LCOR: variants seen among roughly 807,000 people sequenced by gnomAD.
The protein encoded by LCOR is ligand-dependent corepressor.
Under a neutral mutation model 64.4 loss-of-function variants are expected in LCOR, and 14 were observed. That is an observed-to-expected ratio of 0.22 (90% CI 0.14 to 0.34). LCOR has a LOEUF of 0.34. LCOR is among the 10% of genes least tolerant of loss of function. The probability of loss-of-function intolerance (pLI) is 1.00; values close to 1 mark genes in which losing one functional copy is unlikely to be tolerated. For missense variants in LCOR, 1,686 were observed against 1,765.3 expected, an observed-to-expected ratio of 0.96 and a Z score of 0.80; for synonymous variants, 643 against 642.5, an observed-to-expected ratio of 1.00 and a Z score of -0.01.
At chr10:96,935,003 G>T (rs1462119640) in intron 4 of LCOR, among the ~76,000 whole-genome samples, 1 of 152,026 alleles carries the variant, frequency 6.6e-6, no homozygotes, top group Non-Finnish European at 1.5e-5. Context: ...AAAGAAAATG[G>T]TTTTTGAGTT....
chr10:96,896,365 T>G (rs1474781448), intron 2 of LCOR, among the ~76,000 whole-genome samples: 1 of 152,188 alleles, frequency 6.6e-6, no homozygotes, highest in African/African-American at 2.4e-5. Flanking sequence ...TTTAATTTAT[T>G]TTCTTTTCAG....
intron 4 of LCOR, among the ~76,000 whole-genome samples, chr10:96,941,645 CG>C (rs1564632913): frequency 6.7e-6 from 1 of 148,526 alleles, no homozygotes; most frequent in East Asian, 2.1e-4. Context: ...ACTTCCCAGA[CG>C]GGGTGGCTGC....
intron 4 of LCOR, among the ~76,000 whole-genome samples, chr10:96,941,215 G>T (rs1207461296): frequency 3.1e-5 from 4 of 127,028 alleles, no homozygotes; most frequent in South Asian, 2.5e-4. Flanking sequence ...CCTCCCGGAC[G>T]GGGCGGCTGG....
chr10:96,898,046 TA>T (rs1390552025), intron 2 of LCOR, among the ~76,000 whole-genome samples: 1 of 152,070 alleles, frequency 6.6e-6, no homozygotes. Flanking sequence ...ATCCAACAAA[TA>T]TTTATTGAGC....
Position 96,993,369 on chromosome 10 carries a change from G to T in LCOR, c.*8235G>T, listed in dbSNP as rs994992310. 1 of 152,198 alleles carries T rather than the reference G, an allele frequency of 6.6e-6. No homozygotes were observed. Among genetic ancestry groups the T allele is most frequent in the African/African-American group, 2.4e-5 (1 of 41,450 alleles). The allele number at this position is 152,198 out of a possible 1,614,324, so 9.4% of individuals were successfully genotyped here. ...TCTAGGAGACTTTGTAAGCAAATCT[G>T]ATTTTAAGATGAAATGTGAATGAGA... is the stretch of plus-strand genomic sequence containing the variant. On this transcript the variant is annotated 3_prime_UTR_variant, in exon 8 of 8. Coordinates refer to ENST00000421806, the MANE Select transcript of LCOR (RefSeq NM_001346516.2).
rs1564646806 is a variant in LCOR, at chr10:96,984,813, T to G, written c.4353T>G (p.Ser1451=). The change falls in exon 8 of 8, where the codon TCT becomes TCG. Residue 1451 remains serine (S), a synonymous_variant. Transcript: ENST00000421806. ...GCAGCCAACCCCCCAAAAAGACGTC[T>G]TTGAAAGAGAATAAAGTGAAGATCC... ...DRSSQPPKKT[S]LKENKVKIPK... is the part of the protein sequence containing the mutation. The G allele has an allele frequency of 6.2e-7, 1 of 1,613,878 alleles. No homozygotes were observed. Among genetic ancestry groups the G allele is most frequent in the Non-Finnish European group, 8.5e-7 (1 of 1,180,012 alleles).
intron 7 of LCOR, among the ~76,000 whole-genome samples, chr10:96,973,905 A>C (rs1848017700): frequency 6.6e-6 from 1 of 152,210 alleles, no homozygotes; most frequent in Non-Finnish European, 1.5e-5. Flanking sequence ...CAGACTTGTC[A>C]CTTCACCTCC....
chr10:96,976,359 C>T (rs1332464529), intron 7 of LCOR, among the ~76,000 whole-genome samples: 1 of 152,184 alleles, frequency 6.6e-6, no homozygotes, highest in Non-Finnish European at 1.5e-5. Context: ...TTAGTATCCA[C>T]ATGCTGTATT....
At chr10:96,966,449 C>T (rs965578927) in intron 7 of LCOR, among the ~76,000 whole-genome samples, 3 of 151,750 alleles carry the variant, frequency 2.0e-5, no homozygotes, top group African/African-American at 4.8e-5. Context: ...AAGATGGTAT[C>T]GATCTCCTGA....
intron 4 of LCOR, among the ~76,000 whole-genome samples, chr10:96,937,677 T>G (rs1195973612): frequency 6.6e-6 from 1 of 152,118 alleles, no homozygotes; most frequent in African/African-American, 2.4e-5. Flanking sequence ...TGTCAGACAT[T>G]TAAAGACAAA....
chr10:96,973,396 T>C (rs1848014214), intron 7 of LCOR, among the ~76,000 whole-genome samples: 1 of 152,204 alleles, frequency 6.6e-6, no homozygotes, highest in African/African-American at 2.4e-5. Flanking sequence ...AATATCCTTA[T>C]ATTCAGGTGT....
chr10:96,917,186 T>G (rs1339479661), intron 4 of LCOR, among the ~76,000 whole-genome samples: 1 of 152,232 alleles, frequency 6.6e-6, no homozygotes, highest in African/African-American at 2.4e-5. Flanking sequence ...AATCATTAAT[T>G]GGTGACTGCT....
chr10:96,950,892 G>A (rs1475600391), intron 6 of LCOR, among the ~76,000 whole-genome samples: 1 of 151,986 alleles, frequency 6.6e-6, no homozygotes, highest in East Asian at 1.9e-4. Context: ...TGTATAATTG[G>A]GTTAGATGTC....
At chr10:96,884,464 G>A (rs991252486) in intron 2 of LCOR, among the ~76,000 whole-genome samples, 2 of 152,314 alleles carry the variant, frequency 1.3e-5, no homozygotes, top group South Asian at 4.1e-4. Flanking sequence ...TACCTCGGAA[G>A]AGAAGAACTT....
At chr10:96,978,495 G>C (rs535078997) in intron 7 of LCOR, among the ~76,000 whole-genome samples, 2 of 152,258 alleles carry the variant, frequency 1.3e-5, no homozygotes, top group East Asian at 3.9e-4. Flanking sequence ...CACCGTACTT[G>C]TGTACCTTTT....
chr10:96,897,687 C>T (rs1393489323), intron 2 of LCOR, among the ~76,000 whole-genome samples: 1 of 151,982 alleles, frequency 6.6e-6, no homozygotes, highest in African/African-American at 2.4e-5. Context: ...TTTTTCAGGA[C>T]TTTATCTTTT....
chr10:96,898,649 T>G (rs376372943), intron 2 of LCOR, among the ~76,000 whole-genome samples: 11 of 152,284 alleles, frequency 7.2e-5, no homozygotes, highest in African/African-American at 2.4e-4. Flanking sequence ...ACAGGAATGG[T>G]TTTAAATCTA....
intron 7 of LCOR, among the ~76,000 whole-genome samples, chr10:96,974,117 CATTCTT>C (rs1848019346): frequency 6.6e-6 from 1 of 152,182 alleles, no homozygotes; most frequent in Admixed American, 6.5e-5. Context: ...AAACAACAAT[CATTCTT>C]AAACTGTAGC....
chr10:96,916,860 C>G (rs1053718599), intron 4 of LCOR, among the ~76,000 whole-genome samples: 1 of 152,130 alleles, frequency 6.6e-6, no homozygotes, highest in Non-Finnish European at 1.5e-5. Context: ...AGTGATCTGC[C>G]TGCCTTGGCT....
Sources: allele counts gnomAD v4.1 joint callset (sites outside exome capture counted in the v4.1 genomes callset), GRCh38; gene constraint gnomAD v4.1.1; transcripts MANE v1.5; gene names NCBI Gene and HGNC (gene_info 2026-07-23, HGNC 2026-07-21).